Variants in IRAG1 observed in about 807,000 individuals in gnomAD.
The protein encoded by IRAG1 is IP3R-associated cGMP kinase substrate.
In IRAG1, 62 loss-of-function variants were observed where a neutral mutation model predicts 106.2. That is an observed-to-expected ratio of 0.58 (90% CI 0.48 to 0.72). IRAG1 has a LOEUF of 0.72. Among genes scored for constraint, IRAG1 ranks in the 30% least tolerant of loss-of-function variants. The pLI, the probability that IRAG1 is intolerant of heterozygous loss-of-function variation, is 0.00. For missense variants in IRAG1, 1,064 were observed against 1,140.7 expected, an observed-to-expected ratio of 0.93 and a Z score of 0.97; for synonymous variants, 462 against 443.9, an observed-to-expected ratio of 1.04 and a Z score of -0.51.
Position 10,628,691 on chromosome 11 carries a change from G to T in IRAG1, c.652+60C>A. On this transcript the variant is annotated intron_variant, in intron 6 of 20. Coordinates refer to ENST00000423302, the MANE Select transcript of IRAG1 (RefSeq NM_130385.4). The surrounding 1 kb of genome is among the most constrained non-coding windows in gnomAD (Gnocchi z 4.1). ...CTGGGAGGCATGCTGATCTGTCCAG[G>T]CTGAGCTGCCACCCAGAGCGAGAGG... is the stretch of plus-strand genomic sequence containing the variant. 1 of 1,381,968 alleles carries T rather than the reference G, an allele frequency of 7.2e-7. No individual in the cohort carries two copies. The highest frequency in any genetic ancestry group is 9.7e-7 in the Non-Finnish European group (1 of 1,027,022). 85.6% of individuals were successfully genotyped at this position (1,381,968 alleles called of 1,614,324 possible). A position where few individuals can be genotyped will look rare whatever the true frequency, so the allele number is the denominator to read the frequency against.
At chr11:10,671,372 G>A (rs756676947) in intron 1 of IRAG1, among the ~76,000 whole-genome samples, 2 of 152,142 alleles carry the variant, frequency 1.3e-5, no homozygotes, top group Admixed American at 6.5e-5. Flanking sequence ...AATTAATAAA[G>A]CAATTCTATT....
rs556322952 is a variant in IRAG1 at position 10,663,778 on chromosome 11, C to T, written c.68-11596G>A. Among the ~76,000 whole-genome samples, 10 of 152,330 alleles carry T rather than the reference C, an allele frequency of 6.6e-5. No individual in the cohort carries two copies. The South Asian group carries it at 2.1e-3, about 32-fold the overall frequency. ...CAAGGACTCTAGGAATCAAGCCTCACTTTTCACATGGCCTACTACACACCC... is the reference window on the plus strand; with the variant it reads ...CAAGGACTCTAGGAATCAAGCCTCATTTTTCACATGGCCTACTACACACCC... On this transcript the variant is annotated intron_variant, in intron 1 of 20. Coordinates refer to ENST00000423302, the MANE Select transcript of IRAG1 (RefSeq NM_130385.4).
At chr11:10,632,764 C>T (rs897657945) in intron 3 of IRAG1, among the ~76,000 whole-genome samples, 9 of 152,222 alleles carry the variant, frequency 5.9e-5, no homozygotes, top group Admixed American at 5.2e-4. Flanking sequence ...TAACATCTAA[C>T]TTGTAGAAGC....
Position 10,647,512 on chromosome 11 carries a change from G to A in IRAG1, c.225+4513C>T, listed in dbSNP as rs565661215. 1.3e-5 allele frequency among the ~76,000 whole-genome samples: 2 copies of A among 152,310 alleles called. No individual in the cohort carries two copies. Among genetic ancestry groups the A allele is most frequent in the East Asian group, 3.9e-4 (2 of 5,174 alleles). On this transcript the variant is annotated intron_variant, in intron 2 of 20. Coordinates refer to ENST00000423302, the MANE Select transcript of IRAG1 (RefSeq NM_130385.4). The surrounding 1 kb of genome is among the most constrained non-coding windows in gnomAD (Gnocchi z 4.3). ...TGGGTGATATGAAGAGGTGAAGTCT[G>A]CTTATGAGTTCACACTGACCTGCCC...
At position 10,575,994 on chromosome 11, in the gene IRAG1, C is replaced by A; in HGVS notation, c.*338G>T. On this transcript the variant is annotated 3_prime_UTR_variant, in exon 21 of 21. Coordinates refer to ENST00000423302, the MANE Select transcript of IRAG1 (RefSeq NM_130385.4). The stretch of plus-strand genomic sequence containing the variant: ...GCCCCCTACCTCCTCCTCCCCCGTG[C>A]CCCGCTCCTTACCCCCAACCACCAG... The A allele has an allele frequency of 3.4e-6, 1 of 296,978 alleles. No individual in the cohort carries two copies. The allele number at this position is 296,978 out of a possible 1,614,324, so 18.4% of individuals were successfully genotyped here.
rs1183720013 is a variant in IRAG1 at position 10,609,857 on chromosome 11, A to G, written c.1448-6T>C. 4 of 1,613,196 alleles carry G rather than the reference A, an allele frequency of 2.5e-6. No homozygotes were observed. The highest frequency in any genetic ancestry group is 1.7e-5 in the Admixed American group (1 of 59,842). ...GGAGAGTTCAGAAGGAAGCCCTGAAAAAAAAGTGCTTACTTATAAAATGTC... is the reference window on the plus strand; with the variant it reads ...GGAGAGTTCAGAAGGAAGCCCTGAAGAAAAAGTGCTTACTTATAAAATGTC... On this transcript the variant is annotated splice_polypyrimidine_tract_variant and splice_region_variant and intron_variant, in intron 10 of 20. Coordinates refer to ENST00000423302, the MANE Select transcript of IRAG1 (RefSeq NM_130385.4).
chr11:10,605,811 C>A (rs962339337), intron 12 of IRAG1, among the ~76,000 whole-genome samples: 3 of 152,244 alleles, frequency 2.0e-5, no homozygotes, highest in African/African-American at 4.8e-5. Context: ...TTGGTCAAGT[C>A]TATGAATAAT....
intron 20 of IRAG1, among the ~76,000 whole-genome samples, chr11:10,578,074 C>A (rs933085672): frequency 2.3e-4 from 35 of 152,220 alleles, no homozygotes; most frequent in Non-Finnish European, 4.3e-4. Context: ...TCTAACCCCA[C>A]TCTTAAGTGT....
chr11:10,587,088 C>T (rs772770076), intron 18 of IRAG1, among the ~76,000 whole-genome samples: 27 of 152,196 alleles, frequency 1.8e-4, no homozygotes, highest in Non-Finnish European at 2.9e-4. Context: ...TGGATCTTGG[C>T]ATCTGTCCCC....
At chr11:10,591,023 T>C (rs1421675853) in intron 18 of IRAG1, among the ~76,000 whole-genome samples, 1 of 152,252 alleles carries the variant, frequency 6.6e-6, no homozygotes, top group Non-Finnish European at 1.5e-5. Context: ...GAAAGGCTTC[T>C]GGGTTTATTC....
chr11:10,617,129 G>A (rs1855497016), intron 10 of IRAG1: 1 of 985,226 alleles, frequency 1.0e-6, no homozygotes, highest in African/African-American at 1.7e-5. Context: ...TCCATTCGAT[G>A]TACTTCTCTG....
At chr11:10,584,534 T>G (rs1851728832) in intron 18 of IRAG1, among the ~76,000 whole-genome samples, 1 of 133,568 alleles carries the variant, frequency 7.5e-6, no homozygotes, top group Non-Finnish European at 1.6e-5. Flanking sequence ...GCAGGGAAAG[T>G]AATTCTTTCA....
chr11:10,688,257 C>T (rs1861810050), intron 1 of IRAG1, among the ~76,000 whole-genome samples: 1 of 152,136 alleles, frequency 6.6e-6, no homozygotes, highest in South Asian at 2.1e-4. Flanking sequence ...CTCCAGGGTC[C>T]ACACTTTCCA....
At chr11:10,599,068 A>G (rs1853650959) in intron 15 of IRAG1, among the ~76,000 whole-genome samples, 1 of 152,222 alleles carries the variant, frequency 6.6e-6, no homozygotes, top group Non-Finnish European at 1.5e-5. Flanking sequence ...GTGGAAACAA[A>G]TATCAGAAAA....
intron 10 of IRAG1, among the ~76,000 whole-genome samples, chr11:10,611,863 T>C (rs1327791208): frequency 6.6e-6 from 1 of 152,098 alleles, no homozygotes; most frequent in African/African-American, 2.4e-5. Flanking sequence ...TTCCCTAGAA[T>C]AGAAGGTTCT....
In IRAG1 at chr11:10,582,726, C is replaced by T. The variant is rs543007480; in HGVS notation, c.2241-740G>A. Among the ~76,000 whole-genome samples the T allele has an allele frequency of 9.9e-5, 15 of 152,198 alleles. No individual in the cohort carries two copies. The East Asian group carries it at 1.2e-3, about 12-fold the overall frequency. ...ATCCCAGCACTTTGGGAGGCCAAGG[C>T]GGGCGGATCACCTGAGATCAGGAGT... On this transcript the variant is annotated intron_variant, in intron 18 of 20. Coordinates refer to ENST00000423302, the MANE Select transcript of IRAG1 (RefSeq NM_130385.4).
chr11:10,618,562 G>T (rs1443140304), intron 10 of IRAG1, among the ~76,000 whole-genome samples: 2 of 152,172 alleles, frequency 1.3e-5, no homozygotes, highest in African/African-American at 4.8e-5. Context: ...ATTTCACACT[G>T]AGAGATTTTA....
chr11:10,575,526 T>C lies in IRAG1; in HGVS notation c.*806A>G, dbSNP rs1850770329. 6.6e-6 allele frequency: 1 copy of C among 152,202 alleles called. No individual in the cohort carries two copies. Among genetic ancestry groups the C allele is most frequent in the Admixed American group, 6.5e-5 (1 of 15,290 alleles). 9.4% of individuals were successfully genotyped at this position (152,202 alleles called of 1,614,324 possible). ...GTGGACAGCTCATTGAACAGGTGCC[T>C]GGTGACTGCCCCACACTGGTGAAAA... On this transcript the variant is annotated 3_prime_UTR_variant, in exon 21 of 21. Transcript: ENST00000423302.
intron 1 of IRAG1, among the ~76,000 whole-genome samples, chr11:10,692,793 G>A (rs1480609834): frequency 6.6e-6 from 1 of 152,228 alleles, no homozygotes; most frequent in African/African-American, 2.4e-5. Flanking sequence ...GGGCAGGAGG[G>A]AGCAAGACAG....
Sources: allele counts gnomAD v4.1 joint callset (sites outside exome capture counted in the v4.1 genomes callset), GRCh38; gene constraint gnomAD v4.1.1; non-coding constraint Gnocchi (gnomAD v3.1); transcripts MANE v1.5; gene names NCBI Gene and HGNC (gene_info 2026-07-23, HGNC 2026-07-21).